The following PDILT variants were observed in gnomAD, a reference collection of about 807,000 sequenced individuals.
PDILT encodes protein disulfide-isomerase-like protein of the testis.
PDILT carries 43 observed loss-of-function variants against 53.7 expected under a neutral mutation model. The ratio of observed to expected loss-of-function variants is 0.80; its 90% CI spans 0.63 to 1.03. PDILT has a LOEUF of 1.03. Among genes scored for constraint, PDILT ranks in the 50% least tolerant of loss-of-function variants. The pLI, the probability that PDILT is intolerant of heterozygous loss-of-function variation, is 0.00. For missense variants in PDILT, 727 were observed against 712.3 expected, an observed-to-expected ratio of 1.02 and a Z score of -0.24; for synonymous variants, 282 against 274.2, an observed-to-expected ratio of 1.03 and a Z score of -0.28.
At chr16:20,379,736 T>C (rs952983144) in intron 3 of PDILT, among the ~76,000 whole-genome samples, 2 of 152,216 alleles carry the variant, frequency 1.3e-5, no homozygotes, top group African/African-American at 2.4e-5. Context: ...CTTTAGTAGA[T>C]ATAGTTAAGG....
intron 3 of PDILT, among the ~76,000 whole-genome samples, chr16:20,379,956 C>G (rs1259134007): frequency 6.6e-6 from 1 of 152,182 alleles, no homozygotes; most frequent in African/African-American, 2.4e-5. Context: ...ATAAGTCACA[C>G]TTGGAAACAA....
chr16:20,398,116 T>G (rs1966685102), intron 2 of PDILT, among the ~76,000 whole-genome samples: 1 of 152,132 alleles, frequency 6.6e-6, no homozygotes, highest in Admixed American at 6.5e-5. Context: ...GAGGATCAAA[T>G]GATGTCACAT....
intron 3 of PDILT, 142 bp from the exon 4 acceptor site, chr16:20,376,343 T>A (rs771036968): frequency 6.5e-5 from 57 of 882,652 alleles, no homozygotes; most frequent in Middle Eastern, 2.6e-4. Flanking sequence ...GTTCCTCCAT[T>A]CCCCTCTTCC....
chr16:20,384,664 T>C lies in PDILT; in HGVS notation c.390A>G (p.Ser130=), dbSNP rs1024003682. The stretch of plus-strand genomic sequence containing the variant: ...CATTACCTTTGCAGCTGATGGGCTC[T>C]GACCTGTTGCCCTCAAAAAACAGCT... ...ELKLFFEGNR[S]EPISCKGVVE... The change falls in exon 3 of 12, where the codon TCA becomes TCG. Residue 130 remains serine, a synonymous_variant. Coordinates refer to ENST00000302451, the MANE Select transcript of PDILT (RefSeq NM_174924.2). The C allele has an allele frequency of 1.2e-6, 2 of 1,614,228 alleles. No homozygotes were observed. The highest frequency in any genetic ancestry group is 8.5e-7 in the Non-Finnish European group (1 of 1,180,048).
intron 2 of PDILT, among the ~76,000 whole-genome samples, chr16:20,390,275 C>T (rs751631490): frequency 1.7e-4 from 26 of 152,048 alleles, no homozygotes; most frequent in Non-Finnish European, 3.4e-4. Flanking sequence ...TCTGTACCTC[C>T]CTATTTTTCT....
intron 2 of PDILT, among the ~76,000 whole-genome samples, chr16:20,388,567 C>T (rs1032117863): frequency 1.2e-4 from 19 of 152,160 alleles, no homozygotes; most frequent in Non-Finnish European, 2.2e-4. Context: ...ACACAGCCAA[C>T]GCCACTCTTT....
chr16:20,379,298 C>T lies in PDILT; in HGVS notation c.410-3097G>A, dbSNP rs141648633. On this transcript the variant is annotated intron_variant, in intron 3 of 11. Coordinates refer to ENST00000302451, the MANE Select transcript of PDILT (RefSeq NM_174924.2). ...CAGTGATTCTCCTGGCTCAGCCTCCCGAATAGCTGGGACTACAGGCACGTG... is the reference window on the plus strand; with the variant it reads ...CAGTGATTCTCCTGGCTCAGCCTCCTGAATAGCTGGGACTACAGGCACGTG... Among the ~76,000 whole-genome samples the T allele has an allele frequency of 4.3e-3, 661 of 152,164 alleles. 2 individuals carry two copies. The highest frequency in any genetic ancestry group is 7.5e-3 in the South Asian group (36 of 4,820).
At chr16:20,379,088 A>T (rs1966425697) in intron 3 of PDILT, among the ~76,000 whole-genome samples, 1 of 151,370 alleles carries the variant, frequency 6.6e-6, no homozygotes, top group Non-Finnish European at 1.5e-5. Flanking sequence ...GTCGTGGCTT[A>T]CTGCAGCCTC....
chr16:20,397,299 C>CA (rs1215093870), intron 2 of PDILT, among the ~76,000 whole-genome samples: 1 of 152,076 alleles, frequency 6.6e-6, no homozygotes, highest in Non-Finnish European at 1.5e-5. Flanking sequence ...CCATTCCTAG[C>CA]CAACTTTTGT....
At chr16:20,378,158 G>A (rs1966413371) in intron 3 of PDILT, among the ~76,000 whole-genome samples, 1 of 152,180 alleles carries the variant, frequency 6.6e-6, no homozygotes, top group Non-Finnish European at 1.5e-5. Context: ...TTTATTTCAT[G>A]AGAACATGAA....
Position 20,359,223 on chromosome 16 carries a change from TA to T in PDILT, c.*95del. The T allele has an allele frequency of 8.4e-7, 1 of 1,193,722 alleles. No individual in the cohort carries two copies. The highest frequency in any genetic ancestry group is 2.1e-5 in the Admixed American group (1 of 46,792). 73.9% of individuals were successfully genotyped at this position (1,193,722 alleles called of 1,614,324 possible). A position where few individuals can be genotyped will look rare whatever the true frequency, so the allele number is the denominator to read the frequency against. Reference sequence around the variant, plus strand: ...ACCCCTACCCCCGCCCCACCTACCCTACCACAATGATATATGCTTTTATTGG... The same window carrying T: ...ACCCCTACCCCCGCCCCACCTACCCTCCACAATGATATATGCTTTTATTGG... On this transcript the variant is annotated 3_prime_UTR_variant, in exon 12 of 12. Transcript: ENST00000302451.
At chr16:20,376,747 C>G (rs1307990711) in intron 3 of PDILT, among the ~76,000 whole-genome samples, 3 of 152,222 alleles carry the variant, frequency 2.0e-5, no homozygotes, top group African/African-American at 7.2e-5. Context: ...CCTTTAAGGT[C>G]ATCCACTCCT....
chr16:20,365,344 C>T, intron 9 of PDILT, 76 bp downstream of exon 9: 1 of 1,545,770 alleles, frequency 6.5e-7, no homozygotes, highest in Non-Finnish European at 8.9e-7. Flanking sequence ...GATTTCAGTG[C>T]CCAACAATTC....
At chr16:20,361,667 G>A (rs930130120) in intron 10 of PDILT, among the ~76,000 whole-genome samples, 2 of 152,178 alleles carry the variant, frequency 1.3e-5, no homozygotes, top group African/African-American at 2.4e-5. Context: ...GTGGAATCTT[G>A]CCACAGTGCT....
rs149431084 is a variant in PDILT at position 20,384,579 on chromosome 16, T to C, written c.409+66A>G. On this transcript the variant is annotated intron_variant, in intron 3 of 11. Coordinates refer to ENST00000302451, the MANE Select transcript of PDILT (RefSeq NM_174924.2). ...TGCATGGAGCAGAGCCTCCCACCTT[T>C]ACCCTATAGCTGTTAAGTGGACTTT... The C allele has an allele frequency of 8.2e-6, 13 of 1,588,896 alleles. No homozygotes were observed. In the African/African-American group the frequency reaches 1.2e-4, roughly 15 times the overall value.
intron 3 of PDILT, among the ~76,000 whole-genome samples, chr16:20,379,264 C>T (rs143523402): frequency 1.8e-4 from 27 of 152,228 alleles, no homozygotes; most frequent in African/African-American, 5.8e-4. Flanking sequence ...ACCTCTGCCT[C>T]CCGGGTTCCA....
At chr16:20,399,952 G>A (rs1966708324) in intron 1 of PDILT, among the ~76,000 whole-genome samples, 1 of 151,858 alleles carries the variant, frequency 6.6e-6, no homozygotes, top group South Asian at 2.1e-4. Flanking sequence ...TCTTAGAGAA[G>A]TATGGAATGA....
chr16:20,379,586 A>T (rs1001774136), intron 3 of PDILT, among the ~76,000 whole-genome samples: 4 of 152,214 alleles, frequency 2.6e-5, no homozygotes, highest in Admixed American at 2.6e-4. Flanking sequence ...AAATGCTGGG[A>T]TTCCAGGCAT....
At position 20,376,166 on chromosome 16, in the gene PDILT, TCAACCAAAC is replaced by T; in HGVS notation, c.436_444del (p.Val146_Leu148del). 1 of 1,614,190 alleles carries T rather than the reference TCAACCAAAC, an allele frequency of 6.2e-7. No homozygotes were observed. Among genetic ancestry groups the T allele is most frequent in the Non-Finnish European group, 8.5e-7 (1 of 1,180,036 alleles). ...AATGCTTTCTGGCTAATTTGTCGTC[TCAACCAAAC>T]GACTAAGGCAGCAGATTCAACCACT... On this transcript the variant is annotated inframe_deletion, in exon 4 of 12. Coordinates refer to ENST00000302451, the MANE Select transcript of PDILT (RefSeq NM_174924.2).
Sources: gnomAD v4.1 joint callset for allele counts (sites outside exome capture counted in the v4.1 genomes callset) on GRCh38, gnomAD v4.1.1 for gene constraint, MANE v1.5 for transcripts, NCBI Gene and HGNC (gene_info 2026-07-23, HGNC 2026-07-21) for gene names.